CEMIP2: variants seen among roughly 807,000 people sequenced by gnomAD.
The protein encoded by CEMIP2 is cell surface hyaluronidase CEMIP2.
CEMIP2 carries 79 observed loss-of-function variants against 146.9 expected under a neutral mutation model. The ratio of observed to expected loss-of-function variants is 0.54; its 90% CI spans 0.45 to 0.65. The LOEUF is 0.65. Among genes scored for constraint, CEMIP2 ranks in the 30% least tolerant of loss-of-function variants. The pLI, the probability that CEMIP2 is intolerant of heterozygous loss-of-function variation, is 0.00. For synonymous variants in CEMIP2, 601 were observed against 606.3 expected (o/e 0.99, Z 0.13); for missense variants, 1,596 against 1,696.2 (o/e 0.94, Z 1.04).
intron 20 of CEMIP2, among the ~76,000 whole-genome samples, chr9:71,696,674 GGGA>G (rs1169285081): frequency 6.6e-6 from 1 of 152,084 alleles, no homozygotes; most frequent in Admixed American, 6.5e-5. Flanking sequence ...AGGAGGCTGA[GGGA>G]GGAGAATCCC....
chr9:71,729,300 C>T (rs751385209), intron 10 of CEMIP2, among the ~76,000 whole-genome samples: 1 of 152,010 alleles, frequency 6.6e-6, no homozygotes, highest in African/African-American at 2.4e-5. Context: ...CCCCCTTTGG[C>T]ATCTCTCTTA....
intron 2 of CEMIP2, among the ~76,000 whole-genome samples, chr9:71,749,731 T>C (rs1220694115): frequency 2.6e-5 from 4 of 151,536 alleles, no homozygotes; most frequent in African/African-American, 9.7e-5. Flanking sequence ...AAAAAAAAAT[T>C]GCAGCAGTCC....
intron 18 of CEMIP2, among the ~76,000 whole-genome samples, chr9:71,703,293 A>T (rs1191941145): frequency 6.6e-6 from 1 of 152,220 alleles, no homozygotes; most frequent in African/African-American, 2.4e-5. Context: ...GACAGGAATG[A>T]GTACTGGCCT....
chr9:71,700,579 C>G (rs898381121), intron 19 of CEMIP2, 63 bp downstream of exon 19: 1 of 1,496,088 alleles, frequency 6.7e-7, no homozygotes, highest in African/African-American at 1.4e-5. Flanking sequence ...TGCTGAAGAA[C>G]TAGCAATTTC....
intron 18 of CEMIP2, among the ~76,000 whole-genome samples, chr9:71,701,386 G>A (rs992692422): frequency 3.9e-5 from 6 of 152,148 alleles, no homozygotes; most frequent in East Asian, 1.9e-4. Flanking sequence ...GATTACAGGC[G>A]TGAGCCACCG....
chr9:71,747,433 A>T (rs1343446329), intron 2 of CEMIP2, among the ~76,000 whole-genome samples: 1 of 152,214 alleles, frequency 6.6e-6, no homozygotes, highest in Non-Finnish European at 1.5e-5. Flanking sequence ...CTTCATGAAC[A>T]GGTGACTTGA....
At chr9:71,685,976 A>T (rs914864653) in intron 22 of CEMIP2, 130 bp from the exon 23 acceptor site, 4 of 673,826 alleles carry the variant, frequency 5.9e-6, no homozygotes, top group Admixed American at 2.9e-5. Flanking sequence ...AAAAGAAAAA[A>T]GTCTAGATGA....
intron 1 of CEMIP2, among the ~76,000 whole-genome samples, chr9:71,759,519 G>A (rs1589170440): frequency 6.6e-6 from 1 of 152,278 alleles, no homozygotes; most frequent in South Asian, 2.1e-4. Flanking sequence ...AGGCACAGAA[G>A]TTGTATGATA....
intron 19 of CEMIP2, 41 bp from the exon 20 acceptor site, chr9:71,698,245 C>A: frequency 1.3e-6 from 2 of 1,569,050 alleles, no homozygotes; most frequent in South Asian, 1.1e-5. Flanking sequence ...TAGACTTATT[C>A]TCAAAAACTT....
In CEMIP2 at chr9:71,694,644, T is replaced by A. The variant is rs146561037; in HGVS notation, c.3598-37A>T. The A allele has an allele frequency of 5.3e-4, 732 of 1,382,810 alleles. 7 individuals are homozygous for A. The East Asian group carries it at 0.016, about 30-fold the overall frequency. 85.7% of individuals were successfully genotyped at this position (1,382,810 alleles called of 1,614,324 possible). ...AGAAGTTCCATATTTATGGCAACTC[T>A]TACCTTCCTCCAAAAGGTTCCCTCA... On this transcript the variant is annotated intron_variant, in intron 20 of 23. Coordinates refer to ENST00000377044, the MANE Select transcript of CEMIP2 (RefSeq NM_013390.3).
At chr9:71,725,491 G>T in intron 11 of CEMIP2, 90 bp downstream of exon 11, 1 of 1,362,922 alleles carries the variant, frequency 7.3e-7, no homozygotes, top group Non-Finnish European at 1.0e-6. Flanking sequence ...TTCTACTACA[G>T]CAGCACAAAG....
At chr9:71,700,951 C>T in intron 18 of CEMIP2, 127 bp from the exon 19 acceptor site, 1 of 832,564 alleles carries the variant, frequency 1.2e-6, no homozygotes, top group Non-Finnish European at 1.7e-6. Flanking sequence ...TTTTCTCCTC[C>T]TTAAATTTCT....
Position 71,722,580 on chromosome 9 carries a change from A to G in CEMIP2, c.2179-65T>C, listed in dbSNP as rs530875547. The stretch of plus-strand genomic sequence containing the variant: ...CCAACTTACAACAACATATACAATG[A>G]TTCATGAAAATAGATTTTAGCTTAT... On this transcript the variant is annotated intron_variant, in intron 11 of 23. Coordinates refer to ENST00000377044, the MANE Select transcript of CEMIP2 (RefSeq NM_013390.3). 13 of 1,276,674 alleles carry G rather than the reference A, an allele frequency of 1.0e-5. No individual in the cohort carries two copies. The South Asian group carries it at 1.0e-4, about 10-fold the overall frequency. The allele number at this position is 1,276,674 out of a possible 1,614,324, so 79.1% of individuals were successfully genotyped here. A position where few individuals can be genotyped will look rare whatever the true frequency, so the allele number is the denominator to read the frequency against.
intron 12 of CEMIP2, among the ~76,000 whole-genome samples, chr9:71,720,176 G>T (rs1242150741): frequency 6.6e-6 from 1 of 152,148 alleles, no homozygotes; most frequent in African/African-American, 2.4e-5. Flanking sequence ...CACTCTTGTA[G>T]ATTAAATTTC....
At chr9:71,730,301 T>C in intron 8 of CEMIP2, 48 bp from the exon 9 acceptor site, 1 of 1,569,102 alleles carries the variant, frequency 6.4e-7, no homozygotes, top group Non-Finnish European at 8.7e-7. Context: ...AGAATGATTG[T>C]GATTTAAGTG....
intron 15 of CEMIP2, among the ~76,000 whole-genome samples, chr9:71,713,923 A>C (rs1822977129): frequency 6.6e-6 from 1 of 152,182 alleles, no homozygotes; most frequent in African/African-American, 2.4e-5. Flanking sequence ...AAAATCCATG[A>C]AGTTCTTTTC....
rs1341723936 is a variant in CEMIP2 at position 71,704,896 on chromosome 9, GA to G, written c.2986-94del. On this transcript the variant is annotated intron_variant, in intron 17 of 23. Coordinates refer to ENST00000377044, the MANE Select transcript of CEMIP2 (RefSeq NM_013390.3). ...GCACAAAGTCAAGTGTCTCAACTTT[GA>G]AAAGGGAGATTCTGTGATCTGTGCC... 8 of 1,203,028 alleles carry G rather than the reference GA, an allele frequency of 6.6e-6. No individual in the cohort carries two copies. In the East Asian group the frequency reaches 1.7e-4, roughly 26 times the overall value. 74.5% of individuals were successfully genotyped at this position (1,203,028 alleles called of 1,614,324 possible).
chr9:71,732,559 C>G, intron 6 of CEMIP2, 39 bp from the exon 7 acceptor site: 1 of 1,522,116 alleles, frequency 6.6e-7, no homozygotes, highest in Middle Eastern at 1.8e-4. Flanking sequence ...AATATTAGAA[C>G]AAAGAAAACA....
chr9:71,690,276 A>G lies in CEMIP2; in HGVS notation c.3697-30T>C, dbSNP rs936842362. The G allele has an allele frequency of 7.5e-6, 12 of 1,604,836 alleles. No individual in the cohort carries two copies. The African/African-American group carries it at 1.3e-4, about 18-fold the overall frequency. On this transcript the variant is annotated intron_variant, in intron 21 of 23. Transcript: ENST00000377044. ...GAATGCAAAAACATCTTCTGCTGTC[A>G]TCATCATTTTGAGAACATCTGCAGG...
Sources: allele counts gnomAD v4.1 joint callset (sites outside exome capture counted in the v4.1 genomes callset), GRCh38; gene constraint gnomAD v4.1.1; transcripts MANE v1.5; gene names NCBI Gene and HGNC (gene_info 2026-07-23, HGNC 2026-07-21).